Variants in SND1 observed in about 807,000 individuals in gnomAD.
SND1 encodes staphylococcal nuclease domain-containing protein 1.
In SND1, 38 loss-of-function variants were observed where a neutral mutation model predicts 121.7. The ratio of observed to expected loss-of-function variants is 0.31; its 90% CI spans 0.24 to 0.41. The LOEUF (loss-of-function observed/expected upper bound fraction) is 0.41, where lower values mean the gene tolerates loss of function less well. Among genes scored for constraint, SND1 ranks in the 10% least tolerant of loss-of-function variants. The probability of loss-of-function intolerance (pLI) is 1.00; values close to 1 mark genes in which losing one functional copy is unlikely to be tolerated. For missense variants in SND1, 868 were observed against 1,184.6 expected (o/e 0.73, Z 3.92); for synonymous variants, 401 against 447.4 (o/e 0.90, Z 1.31).
At chr7:127,927,847 T>C (rs3808081) in intron 14 of SND1, among the ~76,000 whole-genome samples, 27,027 of 152,176 alleles carry the variant, frequency 0.18, 2,544 homozygotes, top group African/African-American at 0.24. Context: ...GCTCTGTTGT[T>C]AGAAGAAGAG....
intron 11 of SND1, among the ~76,000 whole-genome samples, chr7:127,814,245 GATTTT>G (rs1798387009): frequency 6.6e-6 from 1 of 152,146 alleles, no homozygotes. Flanking sequence ...TGCAAACCAA[GATTTT>G]ATTTTAGGGG....
chr7:127,705,022 C>T lies in SND1; in HGVS notation c.947+77C>T, dbSNP rs886481166. ...AGGGAAAGAAATCTGGTGATTTGCT[C>T]ACACCCCTGTGTGTCAGTGTTCATT... On this transcript the variant is annotated intron_variant, in intron 8 of 23. Transcript: ENST00000354725. 9 of 1,183,688 alleles carry T rather than the reference C, an allele frequency of 7.6e-6. No homozygotes were observed. In the Admixed American group the frequency reaches 1.3e-4, roughly 17 times the overall value. 73.3% of individuals were successfully genotyped at this position (1,183,688 alleles called of 1,614,324 possible).
At chr7:128,031,646 C>T (rs1447084953) in intron 16 of SND1, 1 of 147,406 alleles carries the variant, frequency 6.8e-6, no homozygotes, top group Non-Finnish European at 1.5e-5. Context: ...GCGCTCGGAC[C>T]CGGTCCGCCG....
At chr7:127,808,339 T>G (rs1240682720) in intron 11 of SND1, among the ~76,000 whole-genome samples, 1 of 152,004 alleles carries the variant, frequency 6.6e-6, no homozygotes, top group African/African-American at 2.4e-5. Context: ...ATTTTTGTAT[T>G]TTTTTGGTCG....
At chr7:127,684,590 C>A (rs1005186625) in intron 1 of SND1, among the ~76,000 whole-genome samples, 1 of 152,088 alleles carries the variant, frequency 6.6e-6, no homozygotes, top group African/African-American at 2.4e-5. Flanking sequence ...CTGTTCTTTC[C>A]TGGCTTTGTT....
At chr7:127,692,523 C>G (rs1204699669) in intron 2 of SND1, 2 of 152,216 alleles carry the variant, frequency 1.3e-5, no homozygotes, top group Non-Finnish European at 2.9e-5. Flanking sequence ...CCTGGCTGTC[C>G]TTTGTGTGGA....
chr7:128,067,051 T>G (rs1165490249), intron 16 of SND1, among the ~76,000 whole-genome samples: 1 of 152,118 alleles, frequency 6.6e-6, no homozygotes, highest in Non-Finnish European at 1.5e-5. Context: ...TGCCCTTCTC[T>G]CCTGTGGAAC....
intron 10 of SND1, among the ~76,000 whole-genome samples, chr7:127,747,649 A>G (rs1185888666): frequency 6.6e-6 from 1 of 152,222 alleles, no homozygotes; most frequent in Non-Finnish European, 1.5e-5. Flanking sequence ...AAGACTGAAC[A>G]TCAGTGCTTT....
At chr7:127,918,416 A>C (rs1800631570) in intron 14 of SND1, among the ~76,000 whole-genome samples, 1 of 151,948 alleles carries the variant, frequency 6.6e-6, no homozygotes, top group Non-Finnish European at 1.5e-5. Flanking sequence ...TCTTTATTCG[A>C]ATTTTTTGTC....
chr7:127,935,775 A>G (rs955940674), intron 15 of SND1, among the ~76,000 whole-genome samples: 7 of 152,192 alleles, frequency 4.6e-5, no homozygotes, highest in African/African-American at 1.7e-4. Flanking sequence ...TAAGTGTGGC[A>G]TTCTGCTGGA....
chr7:127,898,297 A>G (rs1800158544), intron 13 of SND1, among the ~76,000 whole-genome samples: 1 of 152,032 alleles, frequency 6.6e-6, no homozygotes, highest in Non-Finnish European at 1.5e-5. Flanking sequence ...CCTCCCCTTG[A>G]CTGTAGGACT....
Position 127,704,891 on chromosome 7 carries a change from A to C in SND1, c.893A>C (p.Asp298Ala). Residue 298 changes from aspartate (D) to alanine (A), a missense_variant, in exon 8 of 24, where the codon GAC becomes GCC. Around this residue, in one of 2 missense-constraint regions of SND1, gnomAD observed 743 missense variants for 1,071.3 expected, o/e 0.69. Coordinates refer to ENST00000354725, the MANE Select transcript of SND1 (RefSeq NM_014390.4). ...AAGGAAGGTTTCGCACGCTGTGTGG[A>C]CTGGTCGATTGCAGTTTACACCCGG... ...LLKEGFARCV[D>A]WSIAVYTRGA... is the part of the protein sequence containing the mutation. The C allele has an allele frequency of 6.2e-7, 1 of 1,614,086 alleles. No homozygotes were observed. Among genetic ancestry groups the C allele is most frequent in the Non-Finnish European group, 8.5e-7 (1 of 1,179,970 alleles).
Position 128,009,817 on chromosome 7 carries a change from A to G in SND1, c.1779+18761A>G, listed in dbSNP as rs141049840. ...CCTTATCTCTCATGCTCTTGACACA[A>G]ACTTCCACATTTTTTCATAAGGGTC... On this transcript the variant is annotated intron_variant, in intron 16 of 23. Transcript: ENST00000354725. Among the ~76,000 whole-genome samples, 636 of 152,010 alleles carry G rather than the reference A, an allele frequency of 4.2e-3. 3 individuals are homozygous for G. The highest frequency in any genetic ancestry group is 0.015 in the African/African-American group (611 of 41,404).
At chr7:127,822,674 A>C (rs915301089) in intron 11 of SND1, among the ~76,000 whole-genome samples, 4 of 152,224 alleles carry the variant, frequency 2.6e-5, no homozygotes, top group African/African-American at 9.6e-5. Flanking sequence ...GTATTACTCT[A>C]ATCCTTTTTT....
At chr7:128,088,429 G>A (rs1023932012) in intron 21 of SND1, among the ~76,000 whole-genome samples, 13 of 150,364 alleles carry the variant, frequency 8.6e-5, no homozygotes, top group Admixed American at 6.6e-5. Flanking sequence ...ACTGCACTCT[G>A]GCCAGTCCCT....
Position 127,901,829 on chromosome 7 carries a change from G to A in SND1, c.1455-2918G>A, listed in dbSNP as rs144417972. ...AAGTGTGAAAAAATTGTCTTTGAAC[G>A]TTTTCCCAAAATTTATGCCAGAACA... On this transcript the variant is annotated intron_variant, in intron 13 of 23. Transcript: ENST00000354725. Among the ~76,000 whole-genome samples the A allele has an allele frequency of 3.2e-3, 489 of 152,186 alleles. 3 individuals are homozygous for A. The highest frequency in any genetic ancestry group is 0.011 in the African/African-American group (464 of 41,508).
chr7:127,961,266 T>TAA (rs1327416156), intron 15 of SND1, among the ~76,000 whole-genome samples: 3 of 152,238 alleles, frequency 2.0e-5, no homozygotes, highest in African/African-American at 7.2e-5. Context: ...TGTAATATAT[T>TAA]ACATAAGTGT....
At chr7:127,899,300 A>ACACG (rs59175053) in intron 13 of SND1, among the ~76,000 whole-genome samples, 1 of 151,902 alleles carries the variant, frequency 6.6e-6, no homozygotes, top group Non-Finnish European at 1.5e-5. Context: ...ACACACACAC[A>ACACG]TTATACTACC....
rs371062427 is a variant in SND1 at position 128,029,733 on chromosome 7, T to C, written c.1779+38677T>C. Reference sequence around the variant, plus strand: ...TAGCCACAGAATGTCACAATCACAGTTCCAAGGGTTGTGGTGTAGATGCAA... The same window carrying C: ...TAGCCACAGAATGTCACAATCACAGCTCCAAGGGTTGTGGTGTAGATGCAA... On this transcript the variant is annotated intron_variant, in intron 16 of 23. Transcript: ENST00000354725. The surrounding 1 kb of genome is among the most constrained non-coding windows in gnomAD (Gnocchi z 4.2). 2.5e-6 allele frequency: 4 copies of C among 1,613,972 alleles called. No individual in the cohort carries two copies. The highest frequency in any genetic ancestry group is 3.4e-6 in the Non-Finnish European group (4 of 1,180,018).
Sources: gnomAD v4.1 joint callset for allele counts (sites outside exome capture counted in the v4.1 genomes callset) on GRCh38, gnomAD v4.1.1 for gene constraint, gnomAD v4.1.1 regional missense constraint, Gnocchi (gnomAD v3.1) non-coding constraint, MANE v1.5 for transcripts, NCBI Gene and HGNC (gene_info 2026-07-23, HGNC 2026-07-21) for gene names.